GRK5: variants seen among roughly 807,000 people sequenced by gnomAD.
The protein encoded by GRK5 is G protein-coupled receptor kinase 5, also known as g protein-coupled receptor kinase GRK5.
In GRK5, 40 loss-of-function variants were observed where a neutral mutation model predicts 78.4. That is an observed-to-expected ratio of 0.51 (90% CI 0.40 to 0.66). The LOEUF is 0.66. GRK5 is among the 30% of genes least tolerant of loss of function. GRK5 has a pLI of 0.00. For synonymous variants in GRK5, 289 were observed against 296.8 expected (o/e 0.97, Z 0.27); for missense variants, 598 against 759.9 (o/e 0.79, Z 2.50).
At chr10:119,347,017 C>T (rs1229140161) in intron 2 of GRK5, among the ~76,000 whole-genome samples, 1 of 152,144 alleles carries the variant, frequency 6.6e-6, no homozygotes, top group Non-Finnish European at 1.5e-5. Context: ...GATATGGTTA[C>T]GATTTCTGGG....
chr10:119,452,837 CTGGG>C lies in GRK5; in HGVS notation c.1542+34_1542+37del. The C allele has an allele frequency of 1.7e-5, 9 of 542,626 alleles. No individual in the cohort carries two copies. Among genetic ancestry groups the C allele is most frequent in the Non-Finnish European group, 2.9e-5 (8 of 275,358 alleles). The allele number at this position is 542,626 out of a possible 1,614,324, so 33.6% of individuals were successfully genotyped here. The stretch of plus-strand genomic sequence containing the variant: ...AGCAGGGCAGACCACTTGCTTTGGT[CTGGG>C]TGGGAGGGAGGGACTGACGGGTGGA... On this transcript the variant is annotated intron_variant, in intron 14 of 15. Transcript: ENST00000392870. The surrounding 1 kb of genome is among the most constrained non-coding windows in gnomAD (Gnocchi z 4.4).
chr10:119,416,137 T>A (rs1247421096), intron 4 of GRK5, among the ~76,000 whole-genome samples: 1 of 152,184 alleles, frequency 6.6e-6, no homozygotes, highest in East Asian at 1.9e-4. Flanking sequence ...TACAACTGAT[T>A]CCATCTCCAC....
At chr10:119,351,239 G>T (rs1472624906) in intron 2 of GRK5, among the ~76,000 whole-genome samples, 1 of 152,182 alleles carries the variant, frequency 6.6e-6, no homozygotes, top group Non-Finnish European at 1.5e-5. Context: ...TACAACCTAA[G>T]TTAAAGAAAG....
chr10:119,394,250 G>GTC (rs764847444), intron 3 of GRK5, among the ~76,000 whole-genome samples: 1 of 113,276 alleles, frequency 8.8e-6, no homozygotes, highest in Non-Finnish European at 1.9e-5. Flanking sequence ...GTGTCTGTGT[G>GTC]TGGATGTATC....
intron 1 of GRK5, among the ~76,000 whole-genome samples, chr10:119,220,864 A>G (rs1209976743): frequency 6.9e-6 from 1 of 145,672 alleles, no homozygotes; most frequent in Non-Finnish European, 1.5e-5. Flanking sequence ...CTCACTAAAG[A>G]AAGTCCAGGC....
intron 2 of GRK5, among the ~76,000 whole-genome samples, chr10:119,350,594 G>A (rs966380394): frequency 6.6e-6 from 1 of 152,204 alleles, no homozygotes; most frequent in African/African-American, 2.4e-5. Context: ...TTCAGCTGTC[G>A]AAGTGGTGCA....
At position 119,372,885 on chromosome 10, in the gene GRK5, A is replaced by G. The variant is rs542567231; in HGVS notation, c.149-7930A>G. Among the ~76,000 whole-genome samples, 229 of 152,360 alleles carry G rather than the reference A, an allele frequency of 1.5e-3. 1 individual carries two copies. Among genetic ancestry groups the G allele is most frequent in the Non-Finnish European group, 2.9e-3 (198 of 68,032 alleles). ...CCGAGCTTGGTGTTGGCCTCACCCA[A>G]AGAATTATTATAGGGGAAGGGATGA... On this transcript the variant is annotated intron_variant, in intron 2 of 15. Transcript: ENST00000392870.
intron 1 of GRK5, among the ~76,000 whole-genome samples, chr10:119,239,320 C>T (rs900538759): frequency 5.9e-5 from 9 of 151,744 alleles, no homozygotes; most frequent in South Asian, 2.1e-4. Context: ...CTGCAACCTC[C>T]GCCTCCCGGT....
At chr10:119,239,119 T>TA (rs2133737111) in intron 1 of GRK5, among the ~76,000 whole-genome samples, 1 of 152,124 alleles carries the variant, frequency 6.6e-6, no homozygotes, top group East Asian at 1.9e-4. Flanking sequence ...TATAATAAAA[T>TA]AAATGAAATA....
Position 119,280,056 on chromosome 10 carries a change from A to T in GRK5, c.53-46460A>T, listed in dbSNP as rs577965915. Among the ~76,000 whole-genome samples the T allele has an allele frequency of 2.6e-4, 40 of 152,160 alleles. No homozygotes were observed. The South Asian group carries it at 2.9e-3, about 11-fold the overall frequency. On this transcript the variant is annotated intron_variant, in intron 1 of 15. Coordinates refer to ENST00000392870, the MANE Select transcript of GRK5 (RefSeq NM_005308.3). ...TGGGAAGAGCCCTGAATACAAGAGA[A>T]CTGTGGTATTGGGGCTATACCTATA...
chr10:119,418,821 G>A (rs1403266785), intron 4 of GRK5, among the ~76,000 whole-genome samples: 1 of 152,132 alleles, frequency 6.6e-6, no homozygotes, highest in Non-Finnish European at 1.5e-5. Context: ...GACCCCTGGG[G>A]CAATTTTACC....
chr10:119,343,978 C>T (rs540413126), intron 2 of GRK5, among the ~76,000 whole-genome samples: 12 of 152,070 alleles, frequency 7.9e-5, no homozygotes, highest in African/African-American at 2.4e-4. Context: ...CTTCTGATGA[C>T]GGTAGCGCTA....
intron 1 of GRK5, among the ~76,000 whole-genome samples, chr10:119,209,208 T>C (rs1589678983): frequency 2.0e-5 from 3 of 152,034 alleles, no homozygotes; most frequent in Non-Finnish European, 4.4e-5. Flanking sequence ...ACTGTGGGGG[T>C]AGGTGATGCA....
chr10:119,443,797 C>T (rs1853088010), intron 12 of GRK5, 45 bp downstream of exon 12: 1 of 1,483,558 alleles, frequency 6.7e-7, no homozygotes, highest in African/African-American at 1.4e-5. Flanking sequence ...TGGTGGCTCC[C>T]CTCCCTGGGC....
chr10:119,265,015 C>T (rs1204530768), intron 1 of GRK5, among the ~76,000 whole-genome samples: 2 of 152,220 alleles, frequency 1.3e-5, no homozygotes, highest in Non-Finnish European at 2.9e-5. Context: ...CTGGTTGGGG[C>T]TCACAGCGGC....
chr10:119,257,680 T>C (rs1370790356), intron 1 of GRK5, among the ~76,000 whole-genome samples: 1 of 152,116 alleles, frequency 6.6e-6, no homozygotes, highest in Non-Finnish European at 1.5e-5. Context: ...GCCGAGATCA[T>C]GCCATTGAAC....
intron 3 of GRK5, among the ~76,000 whole-genome samples, chr10:119,395,399 T>G (rs1281522404): frequency 6.6e-6 from 1 of 152,118 alleles, no homozygotes; most frequent in East Asian, 1.9e-4. Flanking sequence ...CCCTAGACAC[T>G]GAGGTGTGAA....
intron 1 of GRK5, among the ~76,000 whole-genome samples, chr10:119,255,769 G>A (rs1421119649): frequency 1.3e-5 from 2 of 152,258 alleles, no homozygotes; most frequent in African/African-American, 2.4e-5. Context: ...CTCTTGCTTC[G>A]AGCCATCATT....
chr10:119,432,029 C>G (rs900893166), intron 8 of GRK5, among the ~76,000 whole-genome samples: 2 of 152,254 alleles, frequency 1.3e-5, no homozygotes, highest in Non-Finnish European at 2.9e-5. Context: ...AGAGGTTCAT[C>G]TGTCACTCAC....
Sources: gnomAD v4.1 joint callset for allele counts (sites outside exome capture counted in the v4.1 genomes callset) on GRCh38, gnomAD v4.1.1 for gene constraint, Gnocchi (gnomAD v3.1) non-coding constraint, MANE v1.5 for transcripts, NCBI Gene and HGNC (gene_info 2026-07-23, HGNC 2026-07-21) for gene names.